Variants in SNAPC4 observed in about 807,000 individuals in gnomAD.
The protein encoded by SNAPC4 is snRNA-activating protein complex subunit 4.
A neutral mutation model predicts 151.3 loss-of-function variants in SNAPC4; 127 were observed. The observed-to-expected ratio is 0.84, with a 90% CI of 0.73 to 0.97. The LOEUF (loss-of-function observed/expected upper bound fraction) is 0.97, where lower values mean the gene tolerates loss of function less well. SNAPC4 is among the 50% of genes least tolerant of loss of function. The pLI is 0.00. For synonymous variants in SNAPC4, 1,002 were observed against 824.4 expected (o/e 1.22, Z -3.69); for missense variants, 2,186 against 1,935.0 (o/e 1.13, Z -2.43).
In SNAPC4 at chr9:136,384,683, A is replaced by C. The variant is rs759754972; in HGVS notation, c.1420+37T>G. ...TCTTTTCTAAGAAACAAAAAACAAA[A>C]AAAAGAAACTAGAAGAACAAACTGT... On this transcript the variant is annotated intron_variant, in intron 14 of 23. Transcript: ENST00000684778. 4 of 1,119,654 alleles carry C rather than the reference A, an allele frequency of 3.6e-6. No individual in the cohort carries two copies. The Admixed American group carries it at 6.8e-5, about 19-fold the overall frequency. 69.4% of individuals were successfully genotyped at this position (1,119,654 alleles called of 1,614,324 possible).
chr9:136,379,762 A>G (rs1410651117), intron 21 of SNAPC4, 75 bp downstream of exon 21: 2 of 1,404,252 alleles, frequency 1.4e-6, no homozygotes, highest in African/African-American at 2.8e-5. Flanking sequence ...GGTGAAAGCC[A>G]GGGCCAGGTT....
At chr9:136,389,926 G>C (rs977466426) in intron 10 of SNAPC4, among the ~76,000 whole-genome samples, 3 of 152,200 alleles carry the variant, frequency 2.0e-5, no homozygotes, top group Admixed American at 6.5e-5. Flanking sequence ...TCTGGCGGGG[G>C]AAAGTGCTGG....
chr9:136,388,610 A>T lies in SNAPC4; in HGVS notation c.976-19T>A, dbSNP rs748599894. The T allele has an allele frequency of 6.2e-7, 1 of 1,613,782 alleles. No individual in the cohort carries two copies. The highest frequency in any genetic ancestry group is 2.2e-5 in the East Asian group (1 of 44,876). Reference sequence around the variant, plus strand: ...GGCTGGTCTTCCCAGGCCCAAACAAAAGCAAATGAGTGTTACTGCGCGGCA... The same window carrying T: ...GGCTGGTCTTCCCAGGCCCAAACAATAGCAAATGAGTGTTACTGCGCGGCA... On this transcript the variant is annotated intron_variant, in intron 10 of 23. Transcript: ENST00000684778.
intron 1 of SNAPC4, 163 bp from the exon 2 acceptor site, chr9:136,398,600 C>T (rs1192193498): frequency 2.7e-6 from 2 of 749,250 alleles, no homozygotes; most frequent in African/African-American, 3.5e-5. Flanking sequence ...ATCGGGGAAC[C>T]CTGGGACAGG....
intron 13 of SNAPC4, among the ~76,000 whole-genome samples, chr9:136,385,561 C>G (rs1010987052): frequency 1.1e-4 from 16 of 143,536 alleles, no homozygotes; most frequent in African/African-American, 2.3e-4. Context: ...CACTCCCCCC[C>G]CTTTTGTTTT....
rs1834092456 is a variant in SNAPC4, at chr9:136,392,033, T to C, written c.884A>G (p.Gln295Arg). 6.2e-7 allele frequency: 1 copy of C among 1,612,370 alleles called. No individual in the cohort carries two copies. The highest frequency in any genetic ancestry group is 1.3e-5 in the African/African-American group (1 of 74,972). ...QNSEHPSINK[Q>R]EWSREEEERL... is the part of the protein sequence containing the mutation. ...CTCCTCCTCCTCCCTGCTCCACTCC[T>C]GCTTGTTGATGCTGGGGTGCTCCGA... Residue 295 changes from glutamine to arginine, a missense_variant, in exon 10 of 24, where the codon CAG becomes CGG. Transcript: ENST00000684778.
chr9:136,376,395 C>G lies in SNAPC4; in HGVS notation c.4371G>C (p.Arg1457=). The G allele has an allele frequency of 6.2e-7, 1 of 1,613,398 alleles. No homozygotes were observed. The highest frequency in any genetic ancestry group is 8.5e-7 in the Non-Finnish European group (1 of 1,179,956). ...DPDDLDVLRT[R]HARHTRKRRR... ...TCCGCTTCCGGGTGTGCCTGGCATG[C>G]CGGGTTCTGAGCACGTCCAGGTCGT... Residue 1457 remains arginine (R), a synonymous_variant, in exon 23 of 24, where the codon CGG becomes CGC. Transcript: ENST00000684778.
At chr9:136,380,934 A>C in intron 19 of SNAPC4, 84 bp from the exon 20 acceptor site, 1 of 791,550 alleles carries the variant, frequency 1.3e-6, no homozygotes, top group Non-Finnish European at 2.2e-6. Flanking sequence ...AACCTGGGGC[A>C]GCCCTGAGGC....
At chr9:136,380,661 A>T in intron 20 of SNAPC4, 79 bp downstream of exon 20, 2 of 785,914 alleles carry the variant, frequency 2.5e-6, no homozygotes, top group Non-Finnish European at 4.3e-6. Context: ...TGGGGCGGGC[A>T]GCCAGCCTCC....
chr9:136,386,660 C>A (rs1833900255), intron 13 of SNAPC4, among the ~76,000 whole-genome samples: 1 of 152,028 alleles, frequency 6.6e-6, no homozygotes, highest in South Asian at 2.1e-4. Context: ...TCTCAAACTC[C>A]CAACCTCAGG....
At position 136,377,779 on chromosome 9, in the gene SNAPC4, G is replaced by T; in HGVS notation, c.4048C>A (p.Leu1350Met). The change falls in exon 22 of 24, where the codon CTG (leucine) becomes ATG (methionine). Residue 1350 changes from leucine (L) to methionine (M), a missense_variant. Physicochemically the swap from Leu to Met is conservative, Grantham distance 15 (BLOSUM62 2). Coordinates refer to ENST00000684778, the MANE Select transcript of SNAPC4 (RefSeq NM_003086.4). ...PAGALQASLG[L>M]VRGQLQDNPA... ...TTGTCCTGGAGCTGCCCCCGCACCA[G>T]CCCCAGTGAGGCTTGCAGTGCTCCG... 1 of 1,611,844 alleles carries T rather than the reference G, an allele frequency of 6.2e-7. No homozygotes were observed. Among genetic ancestry groups the T allele is most frequent in the Non-Finnish European group, 8.5e-7 (1 of 1,179,622 alleles).
intron 11 of SNAPC4, 110 bp from the exon 12 acceptor site, chr9:136,387,958 A>C: frequency 4.3e-6 from 3 of 703,494 alleles, no homozygotes; most frequent in Non-Finnish European, 7.8e-6. Flanking sequence ...CACCCTCCAG[A>C]TGGGTCACAT....
intron 5 of SNAPC4, 72 bp from the exon 6 acceptor site, chr9:136,394,950 G>A: frequency 1.4e-6 from 2 of 1,407,230 alleles, no homozygotes; most frequent in Non-Finnish European, 2.0e-6. Context: ...CATCCCTCCA[G>A]AGCCCACAAA....
chr9:136,381,064 C>T (rs993549093), intron 19 of SNAPC4, among the ~76,000 whole-genome samples: 1 of 152,174 alleles, frequency 6.6e-6, no homozygotes, highest in African/African-American at 2.4e-5. Flanking sequence ...TCTCCTCCCC[C>T]GGCATCTTCC....
chr9:136,383,662 G>T lies in SNAPC4; in HGVS notation c.1507C>A (p.Gln503Lys). The T allele has an allele frequency of 6.2e-7, 1 of 1,602,332 alleles. No homozygotes were observed. The highest frequency in any genetic ancestry group is 1.1e-5 in the South Asian group (1 of 89,380). The change falls in exon 16 of 24, where the codon CAG becomes AAG. Residue 503 changes from glutamine (Q) to lysine (K), a missense_variant. By Grantham distance (53) the Gln-to-Lys change is moderately conservative. Transcript: ENST00000684778. The surrounding 1 kb of genome is among the most constrained non-coding windows in gnomAD (Gnocchi z 4.2). ...CTCCGCCGCCGCCTCCGGAGACCCT[G>T]CTTCTTCTGAGGGGAGGAAAGAGCT... ...SKWKIMMGKK[Q>K]GLRRRRRRAR... is the part of the protein sequence containing the mutation.
rs371547779 is a variant in SNAPC4 at position 136,379,012 on chromosome 9, C to T, written c.2815G>A (p.Gly939Ser). 1.9e-5 allele frequency: 31 copies of T among 1,604,820 alleles called. No homozygotes were observed. Among genetic ancestry groups the T allele is most frequent in the Admixed American group, 1.0e-4 (6 of 58,556 alleles). ...LQPPLPHTPHGRPAPGPTVLN... is the reference protein window; with the variant it reads ...LQPPLPHTPHSRPAPGPTVLN... Reference sequence around the variant, plus strand: ...ACGGTGGGACCCGGGGCTGGGCGGCCGTGTGGGGTGTGTGGTAGAGGGGGC... The same window carrying T: ...ACGGTGGGACCCGGGGCTGGGCGGCTGTGTGGGGTGTGTGGTAGAGGGGGC... Residue 939 changes from glycine to serine, a missense_variant, in exon 22 of 24, where the codon GGC (glycine) becomes AGC (serine). Transcript: ENST00000684778.
At chr9:136,386,180 G>T (rs370781481) in intron 13 of SNAPC4, among the ~76,000 whole-genome samples, 11 of 150,056 alleles carry the variant, frequency 7.3e-5, no homozygotes, top group African/African-American at 2.7e-4. Flanking sequence ...CCATCCCAAC[G>T]CGTGTGTGGT....
chr9:136,396,160 G>C (rs1001801907), intron 3 of SNAPC4, among the ~76,000 whole-genome samples: 2 of 152,246 alleles, frequency 1.3e-5, no homozygotes, highest in African/African-American at 4.8e-5. Context: ...TGTGTGGGAG[G>C]AAAGTCTCTG....
intron 7 of SNAPC4, 50 bp from the exon 8 acceptor site, chr9:136,392,827 C>A: frequency 6.7e-7 from 1 of 1,484,494 alleles, no homozygotes. Flanking sequence ...GGCTGCGGGG[C>A]GGGGCAGGTT....
Sources: allele counts gnomAD v4.1 joint callset (sites outside exome capture counted in the v4.1 genomes callset), GRCh38; gene constraint gnomAD v4.1.1; non-coding constraint Gnocchi (gnomAD v3.1); transcripts MANE v1.5; gene names NCBI Gene and HGNC (gene_info 2026-07-23, HGNC 2026-07-21).